Variants in GPC6 observed in about 807,000 individuals in gnomAD.
The protein encoded by GPC6 is glypican 6, also known as glypican-6.
Under a neutral mutation model 55.2 loss-of-function variants are expected in GPC6, and 14 were observed. The observed-to-expected ratio is 0.25, with a 90% CI of 0.17 to 0.40. The LOEUF (loss-of-function observed/expected upper bound fraction) is 0.40. GPC6 is among the 10% of genes least tolerant of loss of function. The pLI is 1.00. For missense variants in GPC6, 641 were observed against 708.5 expected (o/e 0.90, Z 1.08); for synonymous variants, 278 against 259.6 (o/e 1.07, Z -0.68).
At chr13:93,477,392 C>T (rs1257349589) in intron 1 of GPC6, among the ~76,000 whole-genome samples, 1 of 152,208 alleles carries the variant, frequency 6.6e-6, no homozygotes, top group East Asian at 1.9e-4. Context: ...GTTAGAGCTG[C>T]CTTCACATGC....
intron 4 of GPC6, among the ~76,000 whole-genome samples, chr13:94,251,204 G>A (rs2139037376): frequency 6.6e-6 from 1 of 150,592 alleles, no homozygotes; most frequent in Admixed American, 6.7e-5. Flanking sequence ...ACTAACACAG[G>A]AACAGAAAAC....
intron 4 of GPC6, among the ~76,000 whole-genome samples, chr13:94,167,229 T>C (rs1179511703): frequency 3.3e-5 from 5 of 152,200 alleles, no homozygotes; most frequent in Non-Finnish European, 5.9e-5. Flanking sequence ...TAGAAATATT[T>C]GGAATATTGC....
At chr13:93,640,481 T>C (rs1396752752) in intron 2 of GPC6, among the ~76,000 whole-genome samples, 1 of 152,038 alleles carries the variant, frequency 6.6e-6, no homozygotes, top group Non-Finnish European at 1.5e-5. Context: ...ATTCAAATTT[T>C]AGTCTGTTTC....
intron 4 of GPC6, among the ~76,000 whole-genome samples, chr13:94,050,863 G>T (rs1451079161): frequency 6.6e-6 from 1 of 152,124 alleles, no homozygotes; most frequent in Admixed American, 6.6e-5. Context: ...GTGCCTACCA[G>T]TAAGAGGCAA....
At chr13:93,240,847 C>G (rs1249921734) in intron 1 of GPC6, among the ~76,000 whole-genome samples, 2 of 152,096 alleles carry the variant, frequency 1.3e-5, no homozygotes, top group Non-Finnish European at 2.9e-5. Flanking sequence ...GTGACAGATT[C>G]TCTCCGAGTT....
intron 4 of GPC6, among the ~76,000 whole-genome samples, chr13:94,099,678 A>G (rs1399824025): frequency 6.6e-6 from 1 of 152,098 alleles, no homozygotes; most frequent in East Asian, 1.9e-4. Flanking sequence ...ATCTTTTTTT[A>G]TTGGAAGGCT....
At chr13:93,699,983 A>G (rs1261201853) in intron 2 of GPC6, among the ~76,000 whole-genome samples, 1 of 152,106 alleles carries the variant, frequency 6.6e-6, no homozygotes, top group Non-Finnish European at 1.5e-5. Context: ...TTTTAAAAGA[A>G]GGCAGTAGCA....
chr13:94,281,075 C>A (rs1892365386), intron 4 of GPC6, among the ~76,000 whole-genome samples: 1 of 152,072 alleles, frequency 6.6e-6, no homozygotes, highest in Non-Finnish European at 1.5e-5. Flanking sequence ...TTTATAGTGA[C>A]CCTCTTTGGC....
chr13:93,867,472 C>A (rs1021970989), intron 3 of GPC6, among the ~76,000 whole-genome samples: 1 of 151,692 alleles, frequency 6.6e-6, no homozygotes, highest in Non-Finnish European at 1.5e-5. Flanking sequence ...ATTAATAAAG[C>A]CTTCTGCATA....
chr13:93,942,507 G>A (rs1006006879), intron 3 of GPC6, among the ~76,000 whole-genome samples: 1 of 151,982 alleles, frequency 6.6e-6, no homozygotes, highest in Non-Finnish European at 1.5e-5. Flanking sequence ...TTTTTTGTAG[G>A]GACAGGTTTT....
intron 2 of GPC6, among the ~76,000 whole-genome samples, chr13:93,670,994 C>G (rs1033488728): frequency 1.3e-5 from 2 of 152,160 alleles, no homozygotes; most frequent in Non-Finnish European, 2.9e-5. Context: ...TGCTCCCTTT[C>G]CATTCATTTT....
rs74111429 is a variant in GPC6 at position 94,072,218 on chromosome 13, C to G, written c.877+44324C>G. Among the ~76,000 whole-genome samples, 1,249 of 152,216 alleles carry G rather than the reference C, an allele frequency of 8.2e-3. 17 individuals carry two copies. Among genetic ancestry groups the G allele is most frequent in the African/African-American group, 0.028 (1,174 of 41,536 alleles). On this transcript the variant is annotated intron_variant, in intron 4 of 8. Coordinates refer to ENST00000377047, the MANE Select transcript of GPC6 (RefSeq NM_005708.5). ...CTATTTTGAACATTTTATATATAAC[C>G]TATGCACAATTATCCTAAAATAAAT...
At chr13:93,711,405 A>T (rs1883057684) in intron 2 of GPC6, among the ~76,000 whole-genome samples, 1 of 151,686 alleles carries the variant, frequency 6.6e-6, no homozygotes, top group Non-Finnish European at 1.5e-5. Flanking sequence ...CGCCCCCAAG[A>T]TTGAATGACC....
chr13:93,856,574 A>G (rs922136044), intron 3 of GPC6, among the ~76,000 whole-genome samples: 4 of 151,646 alleles, frequency 2.6e-5, no homozygotes, highest in African/African-American at 4.8e-5. Flanking sequence ...CTATGTCTCA[A>G]TGATGCAGTG....
At chr13:93,298,632 G>A (rs1416031340) in intron 1 of GPC6, among the ~76,000 whole-genome samples, 1 of 151,558 alleles carries the variant, frequency 6.6e-6, no homozygotes, top group African/African-American at 2.4e-5. Context: ...TTTTTTATAG[G>A]GATGGGGGTC....
chr13:94,244,937 G>A (rs1167269128), intron 4 of GPC6, among the ~76,000 whole-genome samples: 1 of 151,852 alleles, frequency 6.6e-6, no homozygotes, highest in Non-Finnish European at 1.5e-5. Flanking sequence ...GATGTTACAA[G>A]ATACATGTAG....
chr13:93,443,881 C>T (rs1313509791), intron 1 of GPC6, among the ~76,000 whole-genome samples: 1 of 151,832 alleles, frequency 6.6e-6, no homozygotes, highest in Non-Finnish European at 1.5e-5. Flanking sequence ...TACTTTATGA[C>T]ATCAGAGCCA....
chr13:93,370,507 A>G (rs950409676), intron 1 of GPC6, among the ~76,000 whole-genome samples: 2 of 152,154 alleles, frequency 1.3e-5, no homozygotes, highest in African/African-American at 4.8e-5. Context: ...ATCCAACTCA[A>G]TAAGGATGTT....
chr13:93,583,325 A>G (rs73541556), intron 2 of GPC6, among the ~76,000 whole-genome samples: 9,112 of 152,080 alleles, frequency 0.06, 878 homozygotes, highest in African/African-American at 0.2. Flanking sequence ...ATTTGTTTTA[A>G]AAGTAATGCA....
Sources: gnomAD v4.1 joint callset for allele counts (sites outside exome capture counted in the v4.1 genomes callset) on GRCh38, gnomAD v4.1.1 for gene constraint, MANE v1.5 for transcripts, NCBI Gene and HGNC (gene_info 2026-07-23, HGNC 2026-07-21) for gene names.